Variants in FBRSL1 observed in about 807,000 individuals in gnomAD.
FBRSL1 encodes the protein fibrosin-1-like protein.
Under a neutral mutation model 89.6 loss-of-function variants are expected in FBRSL1, and 51 were observed. The ratio of observed to expected loss-of-function variants is 0.57; its 90% CI spans 0.45 to 0.72. The LOEUF (loss-of-function observed/expected upper bound fraction) is 0.72, where lower values mean the gene tolerates loss of function less well. FBRSL1 is among the 30% of genes least tolerant of loss of function. The probability of loss-of-function intolerance (pLI) is 0.00; values close to 1 mark genes in which losing one functional copy is unlikely to be tolerated. For missense variants in FBRSL1, 1,618 were observed against 1,451.8 expected (o/e 1.11, Z -1.86); for synonymous variants, 779 against 681.1 (o/e 1.14, Z -2.24).
At chr12:132,542,672 C>A (rs1407401272) in intron 4 of FBRSL1, among the ~76,000 whole-genome samples, 1 of 152,198 alleles carries the variant, frequency 6.6e-6, no homozygotes, top group African/African-American at 2.4e-5. Context: ...GGGCCTAGAC[C>A]CTCCGCAGGA....
intron 1 of FBRSL1, among the ~76,000 whole-genome samples, chr12:132,492,493 C>T (rs1390217521): frequency 6.6e-6 from 1 of 152,202 alleles, no homozygotes; most frequent in Non-Finnish European, 1.5e-5. Flanking sequence ...GGGTCTGGTG[C>T]CGGGAAGAGC....
At chr12:132,493,398 A>G (rs1386846064) in intron 1 of FBRSL1, among the ~76,000 whole-genome samples, 1 of 152,186 alleles carries the variant, frequency 6.6e-6, no homozygotes, top group Non-Finnish European at 1.5e-5. Context: ...AGTGGTATAA[A>G]CAACCAAACA....
intron 14 of FBRSL1, among the ~76,000 whole-genome samples, chr12:132,575,297 G>A (rs973646116): frequency 2.6e-5 from 4 of 152,130 alleles, no homozygotes; most frequent in African/African-American, 7.2e-5. Flanking sequence ...GCGCGATCTC[G>A]GCTCACTGCA....
chr12:132,569,178 G>C (rs4883549), intron 6 of FBRSL1, among the ~76,000 whole-genome samples: 13,621 of 145,506 alleles, frequency 0.094, 641 homozygotes, highest in Middle Eastern at 0.14. Flanking sequence ...AGACCTGCCC[G>C]AAGGGGCCTG....
rs2031684225 is a variant in FBRSL1, at chr12:132,494,640, G to C, written c.291+3779G>C. On this transcript the variant is annotated intron_variant, in intron 1 of 18. Coordinates refer to ENST00000680143, the MANE Select transcript of FBRSL1 (RefSeq NM_001367871.1). The stretch of plus-strand genomic sequence containing the variant: ...ACACCACCATTCTGGTTTGGTGTCT[G>C]TGATTTTTGGTTAATTTGCATTTTT... Among the ~76,000 whole-genome samples the C allele has an allele frequency of 2.0e-5, 3 of 152,378 alleles. No homozygotes were observed. In the South Asian group the frequency reaches 6.2e-4, roughly 32 times the overall value.
Position 132,571,080 on chromosome 12 carries a change from C to T in FBRSL1, c.1226C>T (p.Ala409Val), listed in dbSNP as rs2039978531. 2.5e-5 allele frequency: 34 copies of T among 1,346,160 alleles called. No homozygotes were observed. Among genetic ancestry groups the T allele is most frequent in the Non-Finnish European group, 2.9e-5 (31 of 1,051,642 alleles). The allele number at this position is 1,346,160 out of a possible 1,614,324, so 83.4% of individuals were successfully genotyped here. ...CTCTTGCCTCTAGATGCCAGCCTGG[C>T]GGTCTCATTCAGCCAGCCAATCATG... ...LPGHPADASLAVSFSQPIMYC... is the reference protein window; with the variant it reads ...LPGHPADASLVVSFSQPIMYC... The change falls in exon 9 of 19, where the codon GCG (alanine) becomes GTG (valine). Residue 409 changes from alanine to valine, a missense_variant. Transcript: ENST00000680143.
chr12:132,537,884 C>T (rs1008687247), intron 4 of FBRSL1, among the ~76,000 whole-genome samples: 9 of 152,194 alleles, frequency 5.9e-5, no homozygotes, highest in African/African-American at 2.2e-4. Flanking sequence ...AGCAGCTGAT[C>T]GGAGATCATC....
At chr12:132,493,776 C>T (rs2031529966) in intron 1 of FBRSL1, among the ~76,000 whole-genome samples, 1 of 152,212 alleles carries the variant, frequency 6.6e-6, no homozygotes, top group African/African-American at 2.4e-5. Flanking sequence ...AGCATCTGCA[C>T]ATTTATATGT....
At position 132,508,326 on chromosome 12, in the gene FBRSL1, G is replaced by C; in HGVS notation, c.465G>C (p.Lys155Asn). 1 of 1,540,126 alleles carries C rather than the reference G, an allele frequency of 6.5e-7. No homozygotes were observed. Among genetic ancestry groups the C allele is most frequent in the Non-Finnish European group, 8.8e-7 (1 of 1,142,688 alleles). ...AACCCGCCTGCGATGGGGCGAGAAA[G>C]GTCCCACTGCAGCCCTCCAAGCAGG... The part of the protein sequence containing the change: ...DLEPACDGAR[K>N]VPLQPSKQMK... The change falls in exon 2 of 19, where the codon AAG becomes AAC. Residue 155 changes from lysine (K) to asparagine (N), a missense_variant. Physicochemically the swap from Lys to Asn is moderately conservative, Grantham distance 94. Transcript: ENST00000680143.
chr12:132,563,823 T>C (rs4992759), intron 5 of FBRSL1, among the ~76,000 whole-genome samples: 1,818 of 25,562 alleles, frequency 0.071, 33 homozygotes, highest in East Asian at 0.24. Flanking sequence ...CCCCCGAGCT[T>C]GTGTGCACCC....
intron 2 of FBRSL1, among the ~76,000 whole-genome samples, chr12:132,520,062 A>T (rs913515776): frequency 2.0e-5 from 3 of 147,846 alleles, no homozygotes; most frequent in African/African-American, 7.6e-5. Context: ...CCTTCCTCGC[A>T]CTCCTCCAGC....
intron 1 of FBRSL1, among the ~76,000 whole-genome samples, chr12:132,496,928 G>A (rs907295385): frequency 9.9e-5 from 15 of 151,708 alleles, no homozygotes; most frequent in Non-Finnish European, 1.8e-4. Context: ...GCTGCCCCGC[G>A]CTTCCTTCCC....
intron 2 of FBRSL1, among the ~76,000 whole-genome samples, chr12:132,512,184 A>G (rs1026668204): frequency 2.6e-5 from 4 of 152,328 alleles, no homozygotes; most frequent in Admixed American, 2.0e-4. Context: ...CCGCAAGGCT[A>G]CTGTGTGGGC....
In FBRSL1 at chr12:132,510,415, G is replaced by A. The variant is rs905876466; in HGVS notation, c.489+2065G>A. 12 of 1,231,884 alleles carry A rather than the reference G, an allele frequency of 9.7e-6. No homozygotes were observed. The highest frequency in any genetic ancestry group is 9.5e-5 in the East Asian group (3 of 31,686). The allele number at this position is 1,231,884 out of a possible 1,614,324, so 76.3% of individuals were successfully genotyped here. A position where few individuals can be genotyped will look rare whatever the true frequency, so the allele number is the denominator to read the frequency against. On this transcript the variant is annotated intron_variant, in intron 2 of 18. Transcript: ENST00000680143. ...CGATCCTGTGCCCCCGGGATGGCCCGTCAGGCCCCATCTGTGAGCCCTGGA... is the reference window on the plus strand; with the variant it reads ...CGATCCTGTGCCCCCGGGATGGCCCATCAGGCCCCATCTGTGAGCCCTGGA...
Position 132,503,122 on chromosome 12 carries a change from C to G in FBRSL1, c.292-5031C>G, listed in dbSNP as rs543146985. Among the ~76,000 whole-genome samples, 4 of 150,760 alleles carry G rather than the reference C, an allele frequency of 2.7e-5. No homozygotes were observed. In the South Asian group the frequency reaches 8.5e-4, roughly 32 times the overall value. On this transcript the variant is annotated intron_variant, in intron 1 of 18. Coordinates refer to ENST00000680143, the MANE Select transcript of FBRSL1 (RefSeq NM_001367871.1). The stretch of plus-strand genomic sequence containing the variant: ...CAGTGCCCCGCCTCCCACCCCACCC[C>G]CCAGGAGCCCTGACCCTACCTCCTT...
At position 132,583,781 on chromosome 12, in the gene FBRSL1, C is replaced by T. The variant is rs913795294; in HGVS notation, c.*3C>T. On this transcript the variant is annotated 3_prime_UTR_variant, in exon 19 of 19. Transcript: ENST00000680143. ...CCCCGGAGGTGGAGGCGCGGTAGCC[C>T]CGGGGCCGCAGACGCCTCTCCGAGC... The T allele has an allele frequency of 2.1e-5, 25 of 1,213,992 alleles. No homozygotes were observed. The highest frequency in any genetic ancestry group is 4.3e-5 in the Admixed American group (1 of 23,046). 75.2% of individuals were successfully genotyped at this position (1,213,992 alleles called of 1,614,324 possible).
At chr12:132,522,773 T>G (rs1242387247) in intron 2 of FBRSL1, among the ~76,000 whole-genome samples, 1 of 152,188 alleles carries the variant, frequency 6.6e-6, no homozygotes, top group Non-Finnish European at 1.5e-5. Flanking sequence ...GGAGGGCAAC[T>G]CAGGGCTGCA....
chr12:132,562,105 C>T (rs183713736), intron 5 of FBRSL1, among the ~76,000 whole-genome samples: 9 of 152,276 alleles, frequency 5.9e-5, no homozygotes, highest in South Asian at 2.1e-4. Flanking sequence ...TTCCTGTTTC[C>T]GATGCTGGGA....
intron 2 of FBRSL1, chr12:132,510,939 T>C (rs2034264491): frequency 1.0e-6 from 1 of 993,992 alleles, no homozygotes; most frequent in African/African-American, 1.7e-5. Flanking sequence ...GAGCCTGGTG[T>C]GTGCGTGCTG....
Sources: allele counts gnomAD v4.1 joint callset (sites outside exome capture counted in the v4.1 genomes callset), GRCh38; gene constraint gnomAD v4.1.1; transcripts MANE v1.5; gene names NCBI Gene and HGNC (gene_info 2026-07-23, HGNC 2026-07-21).